DIP2C: variants seen among roughly 807,000 people sequenced by gnomAD.
DIP2C encodes the protein DIP2 acetate--CoA ligase C (putative).
In DIP2C, 33 loss-of-function variants were observed where a neutral mutation model predicts 192.4. That is an observed-to-expected ratio of 0.17 (90% confidence interval 0.13 to 0.23). The LOEUF (loss-of-function observed/expected upper bound fraction) is 0.23. Among genes scored for constraint, DIP2C ranks in the 10% least tolerant of loss-of-function variants. The probability of loss-of-function intolerance (pLI) is 1.00; values close to 1 mark genes in which losing one functional copy is unlikely to be tolerated. For missense variants in DIP2C, 1,537 were observed against 2,110.1 expected, an observed-to-expected ratio of 0.73 and a Z score of 5.32; for synonymous variants, 979 against 864.1, an observed-to-expected ratio of 1.13 and a Z score of -2.33.
At chr10:593,369 C>T (rs1851514099) in intron 1 of DIP2C, among the ~76,000 whole-genome samples, 1 of 152,106 alleles carries the variant, frequency 6.6e-6, no homozygotes, top group Non-Finnish European at 1.5e-5. Flanking sequence ...TTCCCAACAT[C>T]ACCTTAGTGA....
intron 1 of DIP2C, among the ~76,000 whole-genome samples, chr10:603,334 C>CAAAA (rs1491589258): frequency 8.0e-4 from 58 of 72,764 alleles, no homozygotes; most frequent in African/African-American, 4.4e-3. Flanking sequence ...AAAAAAAAAA[C>CAAAA]CAACCATGAG....
At chr10:462,407 T>A (rs1017102353) in intron 3 of DIP2C, among the ~76,000 whole-genome samples, 11 of 152,146 alleles carry the variant, frequency 7.2e-5, no homozygotes, top group Admixed American at 2.0e-4. Context: ...TCTATGCAAA[T>A]AAACTAGAAA....
intron 1 of DIP2C, among the ~76,000 whole-genome samples, chr10:584,019 CCT>C (rs1185819783): frequency 6.6e-6 from 1 of 152,138 alleles, no homozygotes; most frequent in Admixed American, 6.5e-5. Flanking sequence ...ACCTCACTGA[CCT>C]CTGTCCCTTG....
In DIP2C at chr10:485,095, C is replaced by T. The variant is rs1191263669; in HGVS notation, c.157+1364G>A. 2.7e-6 allele frequency: 3 copies of T among 1,092,344 alleles called. No individual in the cohort carries two copies. In the African/African-American group the frequency reaches 4.7e-5, roughly 17 times the overall value. The allele number at this position is 1,092,344 out of a possible 1,614,324, so 67.7% of individuals were successfully genotyped here. On this transcript the variant is annotated intron_variant, in intron 2 of 36. Coordinates refer to ENST00000280886, the MANE Select transcript of DIP2C (RefSeq NM_014974.3). ...GGGCACGACCGCCCTCTGCGCCCGG[C>T]TAAGGCCAGGGCCACCGCGGGAGGC...
chr10:607,169 C>CA lies in DIP2C; in HGVS notation c.85+82324dup, dbSNP rs1852553683. Among the ~76,000 whole-genome samples the CA allele has an allele frequency of 3.9e-5, 6 of 152,354 alleles. No individual in the cohort carries two copies. In the South Asian group the frequency reaches 1.2e-3, roughly 32 times the overall value. ...GTCCGCTGAGATTTCCAAAGCTCTA[C>CA]AAAGTCGTCCTTCCTCCTGCTTATT... is the stretch of plus-strand genomic sequence containing the variant. On this transcript the variant is annotated intron_variant, in intron 1 of 36. Transcript: ENST00000280886.
intron 1 of DIP2C, among the ~76,000 whole-genome samples, chr10:518,647 A>G (rs1846510690): frequency 1.3e-5 from 2 of 152,104 alleles, no homozygotes; most frequent in African/African-American, 4.8e-5. Context: ...CCCATGCTGC[A>G]CCCTCATGCC....
chr10:341,064 C>T (rs1415179362), intron 29 of DIP2C, 135 bp downstream of exon 29: 2 of 1,254,130 alleles, frequency 1.6e-6, no homozygotes, highest in African/African-American at 3.0e-5. Context: ...AGTAGAGGGA[C>T]ACGGGTAAGC....
chr10:502,246 A>C (rs1455959281), intron 1 of DIP2C, among the ~76,000 whole-genome samples: 2 of 152,242 alleles, frequency 1.3e-5, no homozygotes. Context: ...CAGAATGTGA[A>C]GATATTATGA....
intron 24 of DIP2C, among the ~76,000 whole-genome samples, chr10:352,458 G>C (rs775281583): frequency 6.6e-5 from 10 of 152,178 alleles, no homozygotes; most frequent in Non-Finnish European, 1.2e-4. Flanking sequence ...CACGAGGACG[G>C]TGCCCTTCTC....
intron 1 of DIP2C, among the ~76,000 whole-genome samples, chr10:507,697 C>CA (rs1169854971): frequency 3.3e-5 from 5 of 152,196 alleles, no homozygotes; most frequent in Admixed American, 6.5e-5. Flanking sequence ...CATATGCGCA[C>CA]AGGTGAGTTT....
At chr10:367,171 A>G (rs1213384023) in intron 18 of DIP2C, among the ~76,000 whole-genome samples, 1 of 152,202 alleles carries the variant, frequency 6.6e-6, no homozygotes, top group African/African-American at 2.4e-5. Context: ...TAATCCCAGT[A>G]CTTTGGGAGG....
intron 1 of DIP2C, among the ~76,000 whole-genome samples, chr10:616,516 C>T (rs1853481499): frequency 6.6e-6 from 1 of 152,184 alleles, no homozygotes; most frequent in Non-Finnish European, 1.5e-5. Flanking sequence ...TCAGCGGGCC[C>T]ACTGAACAGA....
At chr10:309,977 C>CGCAGA in intron 32 of DIP2C, 54 bp downstream of exon 32, 5 of 1,563,682 alleles carry the variant, frequency 3.2e-6, no homozygotes, top group Non-Finnish European at 4.4e-6. Flanking sequence ...CATGCAAGGC[C>CGCAGA]GCAGAACAAA....
intron 4 of DIP2C, among the ~76,000 whole-genome samples, chr10:436,373 G>C (rs1967199803): frequency 6.6e-6 from 1 of 152,226 alleles, no homozygotes. Context: ...TCGTGACCAT[G>C]GGCAGGCTTG....
intron 1 of DIP2C, among the ~76,000 whole-genome samples, chr10:527,506 T>C (rs1318204164): frequency 1.3e-5 from 2 of 152,230 alleles, no homozygotes; most frequent in African/African-American, 4.8e-5. Flanking sequence ...ACTTGCAACC[T>C]TGAAAATTCA....
At position 652,628 on chromosome 10, in the gene DIP2C, C is replaced by T. The variant is rs1318481594; in HGVS notation, c.85+36866G>A. 2 of 153,104 alleles carry T rather than the reference C, an allele frequency of 1.3e-5. No homozygotes were observed. The highest frequency in any genetic ancestry group is 3.9e-4 in the East Asian group (2 of 5,188). The allele number at this position is 153,104 out of a possible 1,614,324, so 9.5% of individuals were successfully genotyped here. ...ACTCAAGCTTCACTTTGATCACTTG[C>T]TCTACCAAATAAAACAGAACAAAAT... On this transcript the variant is annotated intron_variant, in intron 1 of 36. Transcript: ENST00000280886. This position sits in a 1 kb window ranked among gnomAD's most constrained non-coding sequence, Gnocchi z 4.5.
At chr10:467,603 C>T (rs1970328608) in intron 3 of DIP2C, among the ~76,000 whole-genome samples, 3 of 145,022 alleles carry the variant, frequency 2.1e-5, no homozygotes, top group Non-Finnish European at 4.5e-5. Context: ...ATATATATAC[C>T]ATGGAATAGT....
intron 28 of DIP2C, among the ~76,000 whole-genome samples, chr10:344,445 G>A (rs995291903): frequency 6.6e-6 from 1 of 152,120 alleles, no homozygotes; most frequent in Admixed American, 6.5e-5. Context: ...CATCTGAGCT[G>A]AGAGGGTCAT....
At chr10:615,198 T>G (rs1853372494) in intron 1 of DIP2C, among the ~76,000 whole-genome samples, 1 of 152,228 alleles carries the variant, frequency 6.6e-6, no homozygotes, top group Admixed American at 6.5e-5. Flanking sequence ...GTGCGGTCCC[T>G]AGGCGGGCTG....
Sources: allele counts gnomAD v4.1 joint callset (sites outside exome capture counted in the v4.1 genomes callset), GRCh38; gene constraint gnomAD v4.1.1; non-coding constraint Gnocchi (gnomAD v3.1); transcripts MANE v1.5; gene names NCBI Gene and HGNC (gene_info 2026-07-23, HGNC 2026-07-21).